Variants in MED16 observed in about 807,000 individuals in gnomAD.
The protein encoded by MED16 is mediator complex subunit 16.
In MED16, 81 loss-of-function variants were observed where a neutral mutation model predicts 84.4. The observed-to-expected ratio is 0.96, with a 90% CI of 0.80 to 1.15. MED16 has a LOEUF of 1.15. Among genes scored for constraint, MED16 ranks in the 50% most tolerant of loss-of-function variants. The probability of loss-of-function intolerance (pLI) is 0.00; values close to 1 mark genes in which losing one functional copy is unlikely to be tolerated. For missense variants in MED16, 1,585 were observed against 1,245.9 expected, an observed-to-expected ratio of 1.27 and a Z score of -4.10; for synonymous variants, 897 against 552.2, an observed-to-expected ratio of 1.62 and a Z score of -8.76.
intron 6 of MED16, among the ~76,000 whole-genome samples, chr19:882,631 C>A (rs912717141): frequency 6.6e-6 from 1 of 152,190 alleles, no homozygotes; most frequent in African/African-American, 2.4e-5. Flanking sequence ...GGAGCATGTG[C>A]GGCCAGTGGA....
chr19:890,934 G>T (rs1159896459), intron 2 of MED16, 29 bp downstream of exon 2: 9 of 1,606,376 alleles, frequency 5.6e-6, no homozygotes, highest in Non-Finnish European at 7.6e-6. Context: ...ATGCGGCCGG[G>T]AGGGGAAGCA....
chr19:877,576 C>CAGGGGCTGGCGAGGGGCTGGCG (rs112530485), intron 8 of MED16, among the ~76,000 whole-genome samples: 1,620 of 150,194 alleles, frequency 0.011, 34 homozygotes, highest in African/African-American at 0.027. Flanking sequence ...GCAGCGCAGG[C>CAGGGGCTGGCGAGGGGCTGGCG]AGGGGCTGGC....
At position 886,110 on chromosome 19, in the gene MED16, A is replaced by G. The variant is rs1388121635; in HGVS notation, c.539T>C (p.Ile180Thr). ...GACCAGGCCGCTGACCGTCACCGCG[A>G]TCCAGCCCTCCATGGGCTTGCCGCC... ...LFGGKPMEGWIAVTVSGLVTV... is the reference protein window; with the variant it reads ...LFGGKPMEGWTAVTVSGLVTV... The change falls in exon 5 of 16, where the codon ATC becomes ACC. Residue 180 changes from isoleucine (I) to threonine (T), a missense_variant. Physicochemically the swap from Ile to Thr is moderately conservative, Grantham distance 89 (BLOSUM62 -1). Transcript: ENST00000325464. 6.3e-7 allele frequency: 1 copy of G among 1,586,132 alleles called. No individual in the cohort carries two copies. Among genetic ancestry groups the G allele is most frequent in the Non-Finnish European group, 8.6e-7 (1 of 1,169,222 alleles).
At chr19:890,939 G>A (rs954570396) in intron 2 of MED16, 24 bp downstream of exon 2, 2 of 1,607,234 alleles carry the variant, frequency 1.2e-6, no homozygotes, top group Non-Finnish European at 1.7e-6. Flanking sequence ...GCCGGGAGGG[G>A]AAGCAGGTGG....
intron 6 of MED16, among the ~76,000 whole-genome samples, chr19:882,454 G>A (rs1599336668): frequency 6.6e-6 from 1 of 152,220 alleles, no homozygotes. Flanking sequence ...AGCCCAGGAA[G>A]ATGAGGCTGC....
chr19:875,535 C>A (rs575080791), intron 9 of MED16, 81 bp from the exon 10 acceptor site: 10 of 1,152,298 alleles, frequency 8.7e-6, no homozygotes, highest in Admixed American at 4.8e-5. Flanking sequence ...AAGAGCAGTT[C>A]GACTCTGACA....
chr19:881,958 G>A (rs2036430286), intron 6 of MED16, among the ~76,000 whole-genome samples: 1 of 152,194 alleles, frequency 6.6e-6, no homozygotes, highest in South Asian at 2.1e-4. Context: ...GGAAACCTGT[G>A]GGCCGGCACC....
At chr19:881,228 T>C (rs1045223590) in intron 7 of MED16, among the ~76,000 whole-genome samples, 4 of 152,224 alleles carry the variant, frequency 2.6e-5, no homozygotes, top group African/African-American at 9.6e-5. Flanking sequence ...GACCACATTA[T>C]GGCTGCTGCA....
At chr19:877,249 G>T in intron 8 of MED16, 69 bp from the exon 9 acceptor site, 2 of 1,478,798 alleles carry the variant, frequency 1.4e-6, no homozygotes, top group Non-Finnish European at 1.8e-6. Context: ...AGAGGAATGG[G>T]GCCCTGGGGC....
chr19:881,748 A>G (rs754266554), intron 6 of MED16, 34 bp from the exon 7 acceptor site: 1 of 1,601,578 alleles, frequency 6.2e-7, no homozygotes, highest in Non-Finnish European at 8.5e-7. Flanking sequence ...CAGGAAGGCA[A>G]TGGAGTAAAG....
intron 6 of MED16, among the ~76,000 whole-genome samples, chr19:883,227 C>T (rs982984817): frequency 5.9e-5 from 9 of 151,640 alleles, no homozygotes; most frequent in African/African-American, 1.9e-4. Context: ...TGGTAGGAAC[C>T]GAAGCCTGGC....
intron 14 of MED16, 82 bp downstream of exon 14, chr19:868,781 G>A (rs913135531): frequency 7.1e-7 from 1 of 1,413,834 alleles, no homozygotes; most frequent in African/African-American, 1.4e-5. Flanking sequence ...TGACCGTCTG[G>A]AGCGCTGGGT....
chr19:874,726 A>C (rs1275833968), intron 10 of MED16, among the ~76,000 whole-genome samples: 1 of 152,074 alleles, frequency 6.6e-6, no homozygotes, highest in Non-Finnish European at 1.5e-5. Flanking sequence ...AAAAATTAAA[A>C]ACCGGGTGTG....
At chr19:878,418 T>C (rs1599329937) in intron 8 of MED16, among the ~76,000 whole-genome samples, 2 of 72,094 alleles carry the variant, frequency 2.8e-5, no homozygotes, top group Admixed American at 1.7e-4. Flanking sequence ...TGGTTGTCAA[T>C]GTCCACCAGC....
intron 6 of MED16, among the ~76,000 whole-genome samples, chr19:883,243 G>A (rs182063297): frequency 2.0e-5 from 3 of 151,878 alleles, no homozygotes; most frequent in Non-Finnish European, 4.4e-5. Context: ...CTGGCATGGT[G>A]GGCACGTGGG....
At chr19:888,523 C>T (rs1172927377) in intron 4 of MED16, among the ~76,000 whole-genome samples, 1 of 98,200 alleles carries the variant, frequency 1.0e-5, no homozygotes, top group Non-Finnish European at 2.1e-5. Context: ...GACTCTGTCT[C>T]CAAAAAAAAA....
At chr19:875,144 A>C in intron 10 of MED16, 100 bp downstream of exon 10, 1 of 804,064 alleles carries the variant, frequency 1.2e-6, no homozygotes, top group South Asian at 2.6e-5. Context: ...AGCCTGGGCA[A>C]CAGAGTAAGA....
intron 4 of MED16, among the ~76,000 whole-genome samples, chr19:887,711 G>C (rs796943938): frequency 3.9e-5 from 6 of 152,212 alleles, no homozygotes; most frequent in African/African-American, 1.4e-4. Flanking sequence ...CTCTGACTCA[G>C]GCCACAGCGG....
intron 10 of MED16, among the ~76,000 whole-genome samples, chr19:874,737 G>A (rs1372710093): frequency 6.6e-6 from 1 of 152,064 alleles, no homozygotes. Context: ...ACCGGGTGTG[G>A]TGGCACGTGT....
Sources: gnomAD v4.1 joint callset for allele counts (sites outside exome capture counted in the v4.1 genomes callset) on GRCh38, gnomAD v4.1.1 for gene constraint, MANE v1.5 for transcripts, NCBI Gene and HGNC (gene_info 2026-07-23, HGNC 2026-07-21) for gene names.